Variants in PTPRD observed in about 807,000 individuals in gnomAD.
PTPRD encodes the protein receptor-type tyrosine-protein phosphatase delta.
Under a neutral mutation model 214.5 loss-of-function variants are expected in PTPRD, and 34 were observed. The ratio of observed to expected loss-of-function variants is 0.16; its 90% CI spans 0.12 to 0.21. The LOEUF (loss-of-function observed/expected upper bound fraction) is 0.21. PTPRD is among the 10% of genes least tolerant of loss of function. PTPRD has a pLI of 1.00. For synonymous variants in PTPRD, 1,128 were observed against 845.7 expected (o/e 1.33, Z -5.79); for missense variants, 2,545 against 2,398.7 (o/e 1.06, Z -1.27).
chr9:9,525,104 G>A (rs1282426936), intron 8 of PTPRD, among the ~76,000 whole-genome samples: 3 of 152,148 alleles, frequency 2.0e-5, no homozygotes, highest in African/African-American at 4.8e-5. Flanking sequence ...TGATCCACCC[G>A]CCTCAGCATC....
chr9:9,006,839 G>A (rs1276959633), intron 11 of PTPRD, among the ~76,000 whole-genome samples: 1 of 151,790 alleles, frequency 6.6e-6, no homozygotes, highest in Non-Finnish European at 1.5e-5. Flanking sequence ...ATTTAATGAA[G>A]CAGTACTTGT....
chr9:9,889,573 A>G (rs2072429090), intron 5 of PTPRD, among the ~76,000 whole-genome samples: 2 of 152,106 alleles, frequency 1.3e-5, no homozygotes, highest in Admixed American at 6.6e-5. Context: ...ATTTTATTGC[A>G]TATATGTGTT....
At chr9:8,780,846 G>A (rs187147432) in intron 11 of PTPRD, among the ~76,000 whole-genome samples, 53 of 152,324 alleles carry the variant, frequency 3.5e-4, no homozygotes, top group Admixed American at 1.4e-3. Flanking sequence ...CTCGGAAGTG[G>A]TTGTATGTGT....
At chr9:8,402,620 C>G (rs1162748536) in intron 36 of PTPRD, among the ~76,000 whole-genome samples, 1 of 152,080 alleles carries the variant, frequency 6.6e-6, no homozygotes, top group African/African-American at 2.4e-5. Flanking sequence ...AAAGATTTCT[C>G]TCTGCTATTT....
At chr9:10,338,496 G>C (rs2096882866) in intron 3 of PTPRD, among the ~76,000 whole-genome samples, 1 of 151,670 alleles carries the variant, frequency 6.6e-6, no homozygotes, top group Non-Finnish European at 1.5e-5. Context: ...TGGGTATTCA[G>C]TGTTCATCCC....
intron 12 of PTPRD, among the ~76,000 whole-genome samples, chr9:8,692,307 C>T (rs2097824526): frequency 6.6e-6 from 1 of 152,162 alleles, no homozygotes; most frequent in Non-Finnish European, 1.5e-5. Context: ...TGTACGGAGG[C>T]TTTGCTCCAT....
At chr9:10,508,583 T>C (rs1359826726) in intron 2 of PTPRD, among the ~76,000 whole-genome samples, 1 of 152,190 alleles carries the variant, frequency 6.6e-6, no homozygotes, top group Non-Finnish European at 1.5e-5. Flanking sequence ...TAAGAAAATG[T>C]GGCACATATA....
intron 11 of PTPRD, among the ~76,000 whole-genome samples, chr9:8,878,530 T>A (rs1044671361): frequency 2.6e-5 from 4 of 152,102 alleles, no homozygotes; most frequent in Non-Finnish European, 5.9e-5. Context: ...TTTTCTTTTT[T>A]TTTTGTTTTC....
chr9:8,532,823 C>T (rs1027042843), intron 14 of PTPRD, among the ~76,000 whole-genome samples: 29 of 151,998 alleles, frequency 1.9e-4, no homozygotes, highest in African/African-American at 6.7e-4. Flanking sequence ...CTATAATAGA[C>T]CTGGAAATAT....
Position 8,693,834 on chromosome 9 carries a change from A to C in PTPRD, c.64+39946T>G, listed in dbSNP as rs566826294. ...CTTCCACAACAAAACAAGCCAACAGAACAACTTGCGTTGCTTGAATGTATT... is the reference window on the plus strand; with the variant it reads ...CTTCCACAACAAAACAAGCCAACAGCACAACTTGCGTTGCTTGAATGTATT... On this transcript the variant is annotated intron_variant, in intron 12 of 45. Transcript: ENST00000381196. Among the ~76,000 whole-genome samples, 16 of 152,322 alleles carry C rather than the reference A, an allele frequency of 1.1e-4. No individual in the cohort carries two copies. The East Asian group carries it at 2.9e-3, about 28-fold the overall frequency.
chr9:8,886,990 C>T (rs776160928), intron 11 of PTPRD, among the ~76,000 whole-genome samples: 5 of 152,150 alleles, frequency 3.3e-5, no homozygotes, highest in Non-Finnish European at 7.3e-5. Context: ...AGGCACTGGA[C>T]ATTGGGCTAA....
chr9:8,677,914 T>G (rs937545288), intron 12 of PTPRD, among the ~76,000 whole-genome samples: 2 of 152,088 alleles, frequency 1.3e-5, no homozygotes, highest in Non-Finnish European at 2.9e-5. Flanking sequence ...TATTTTGATC[T>G]GTGGGGGGTC....
At chr9:8,648,195 G>C (rs1445029044) in intron 12 of PTPRD, among the ~76,000 whole-genome samples, 2 of 152,146 alleles carry the variant, frequency 1.3e-5, no homozygotes, top group East Asian at 1.9e-4. Context: ...AATAATACCT[G>C]GATCATAAAC....
intron 35 of PTPRD, among the ~76,000 whole-genome samples, chr9:8,432,897 G>C (rs114717135): frequency 6.6e-6 from 1 of 152,158 alleles, no homozygotes. Context: ...AGCCTACTGG[G>C]GAAGCTGTGC....
intron 38 of PTPRD, 68 bp from the exon 39 acceptor site, chr9:8,376,158 G>T: frequency 6.4e-7 from 1 of 1,565,708 alleles, no homozygotes; most frequent in African/African-American, 1.4e-5. Context: ...GAATAACAGG[G>T]AAGAGGTAAT....
intron 12 of PTPRD, among the ~76,000 whole-genome samples, chr9:8,667,233 G>A (rs553758674): frequency 6.6e-6 from 1 of 152,284 alleles, no homozygotes; most frequent in African/African-American, 2.4e-5. Flanking sequence ...CAGCTACTTG[G>A]GAGGCTGAGG....
intron 3 of PTPRD, among the ~76,000 whole-genome samples, chr9:10,090,901 G>A (rs1191001934): frequency 1.5e-5 from 2 of 134,298 alleles, no homozygotes; most frequent in African/African-American, 5.7e-5. Context: ...AAGGACATTT[G>A]TGTATATAAA....
intron 9 of PTPRD, among the ~76,000 whole-genome samples, chr9:9,306,559 G>A (rs1418500806): frequency 1.2e-4 from 7 of 56,864 alleles, no homozygotes; most frequent in South Asian, 1.4e-3. Context: ...GTGAGACTCC[G>A]TCTCAAAAAA....
At chr9:9,060,812 A>G (rs928898511) in intron 10 of PTPRD, among the ~76,000 whole-genome samples, 1 of 152,208 alleles carries the variant, frequency 6.6e-6, no homozygotes, top group African/African-American at 2.4e-5. Context: ...CATGTGTCAC[A>G]TGTGTTAGTA....
Sources: gnomAD v4.1 joint callset for allele counts (sites outside exome capture counted in the v4.1 genomes callset) on GRCh38, gnomAD v4.1.1 for gene constraint, MANE v1.5 for transcripts, NCBI Gene and HGNC (gene_info 2026-07-23, HGNC 2026-07-21) for gene names.